TCP11: variants seen among roughly 807,000 people sequenced by gnomAD.
TCP11 encodes T-complex protein 11 homolog.
A neutral mutation model predicts 45.0 loss-of-function variants in TCP11; 34 were observed. The observed-to-expected ratio is 0.76, with a 90% CI of 0.57 to 1.01. TCP11 has a LOEUF of 1.01. Among genes scored for constraint, TCP11 ranks in the 50% least tolerant of loss-of-function variants. The pLI is 0.00. For synonymous variants in TCP11, 227 were observed against 227.0 expected (o/e 1.00, Z 0.00); for missense variants, 523 against 598.1 (o/e 0.87, Z 1.31).
intron 9 of TCP11, 27 bp from the exon 10 acceptor site, chr6:35,118,528 G>C: frequency 6.3e-7 from 1 of 1,598,628 alleles, no homozygotes; most frequent in Non-Finnish European, 8.5e-7. Context: ...ACACTGATAA[G>C]GGAAAAGGCA....
chr6:35,133,847 C>T (rs2127677604), intron 3 of TCP11, among the ~76,000 whole-genome samples: 1 of 152,078 alleles, frequency 6.6e-6, no homozygotes, highest in South Asian at 2.1e-4. Context: ...AATAAACCAG[C>T]AGAGCCAATT....
intron 2 of TCP11, 36 bp downstream of exon 2, chr6:35,140,711 C>T (rs367667889): frequency 4.3e-5 from 64 of 1,486,908 alleles, no homozygotes; most frequent in African/African-American, 3.0e-4. Flanking sequence ...CTAAGCACCC[C>T]CTAGGGGGCC....
chr6:35,132,615 T>A lies in TCP11; in HGVS notation c.237-3433A>T, dbSNP rs982080327. On this transcript the variant is annotated intron_variant, in intron 3 of 9. Transcript: ENST00000311875. ...CCTACAACTGTAATTAACATCATCC[T>A]ATGAACCTAAGGTAAAGCCAACTGC... is the stretch of plus-strand genomic sequence containing the variant. 1.1e-4 allele frequency among the ~76,000 whole-genome samples: 17 copies of A among 152,218 alleles called. No individual in the cohort carries two copies. The East Asian group carries it at 1.7e-3, about 16-fold the overall frequency.
intron 4 of TCP11, 43 bp from the exon 5 acceptor site, chr6:35,122,380 C>G (rs760832900): frequency 6.3e-7 from 1 of 1,580,612 alleles, no homozygotes; most frequent in South Asian, 1.1e-5. Flanking sequence ...TGTTTAGATC[C>G]CCAAACTTTA....
At position 35,120,509 on chromosome 6, in the gene TCP11, G is replaced by A; in HGVS notation, c.853C>T (p.Pro285Ser). Residue 285 changes from proline to serine, a missense_variant, in exon 7 of 10, where the codon CCC becomes TCC. Physicochemically the swap from Pro to Ser is moderately conservative, Grantham distance 74 (BLOSUM62 -1). This residue lies in a region of TCP11 where 298 missense variants were observed against 387.9 expected (regional missense o/e 0.77). Coordinates refer to ENST00000311875, the MANE Select transcript of TCP11 (RefSeq NM_001370687.1). This position sits in a 1 kb window ranked among gnomAD's most constrained non-coding sequence, Gnocchi z 4.9. ...CACAGCACCATTGTGGGGCTGAGGGGCTCTGGGTTGTTGGCTGCCTCATTG... is the reference window on the plus strand; with the variant it reads ...CACAGCACCATTGTGGGGCTGAGGGACTCTGGGTTGTTGGCTGCCTCATTG... ...SPNEAANNPE[P>S]LSPTMVLCQG... is the part of the protein sequence containing the mutation. The A allele has an allele frequency of 6.2e-7, 1 of 1,614,026 alleles. No individual in the cohort carries two copies. Among genetic ancestry groups the A allele is most frequent in the Non-Finnish European group, 8.5e-7 (1 of 1,179,976 alleles).
intron 2 of TCP11, chr6:35,140,336 C>G: frequency 2.5e-6 from 2 of 784,802 alleles, no homozygotes; most frequent in South Asian, 1.5e-5. Flanking sequence ...CACTACAGAA[C>G]CGAGCTAGAG....
At chr6:35,128,719 T>C (rs1478353004) in intron 4 of TCP11, 1 of 182,806 alleles carries the variant, frequency 5.5e-6, no homozygotes, top group Non-Finnish European at 1.1e-5. Flanking sequence ...GTCAGCAGCA[T>C]ACACAGGCCA....
rs769213163 is a variant in TCP11 at position 35,120,392 on chromosome 6, G to A, written c.933+37C>T. 14 of 1,594,582 alleles carry A rather than the reference G, an allele frequency of 8.8e-6. No individual in the cohort carries two copies. In the Middle Eastern group the frequency reaches 1.8e-3, roughly 211 times the overall value. On this transcript the variant is annotated intron_variant, in intron 7 of 9. Transcript: ENST00000311875. This position sits in a 1 kb window ranked among gnomAD's most constrained non-coding sequence, Gnocchi z 4.9. The stretch of plus-strand genomic sequence containing the variant: ...CAGGGGAAGTCCCGATGGAAGCCCT[G>A]AACACAAAACAAGGCAATGCCCCCA...
chr6:35,140,150 C>CA (rs2127696918), intron 2 of TCP11: 1 of 1,608,156 alleles, frequency 6.2e-7, no homozygotes, highest in East Asian at 2.2e-5. Context: ...TAATTTTTCG[C>CA]ATTTCAATAG....
rs1779098624 is a variant in TCP11 at position 35,120,373 on chromosome 6, A to C, written c.934-33T>G. 6.2e-7 allele frequency: 1 copy of C among 1,602,800 alleles called. No individual in the cohort carries two copies. The highest frequency in any genetic ancestry group is 8.5e-7 in the Non-Finnish European group (1 of 1,172,818). On this transcript the variant is annotated intron_variant, in intron 7 of 9. Coordinates refer to ENST00000311875, the MANE Select transcript of TCP11 (RefSeq NM_001370687.1). The surrounding 1 kb of genome is among the most constrained non-coding windows in gnomAD (Gnocchi z 4.9). ...CCAGGGAAGAACAGGCTGTCAGGGG[A>C]AGTCCCGATGGAAGCCCTGAACACA...
chr6:35,135,724 C>T (rs73405744), intron 3 of TCP11, among the ~76,000 whole-genome samples: 2,460 of 152,008 alleles, frequency 0.016, 78 homozygotes, highest in African/African-American at 0.055. Context: ...AGAGTGAGAC[C>T]CTGCCTCCAA....
chr6:35,126,094 C>T (rs910424042), intron 4 of TCP11, among the ~76,000 whole-genome samples: 19 of 152,100 alleles, frequency 1.2e-4, no homozygotes, highest in Non-Finnish European at 7.4e-5. Context: ...TGTAAATATA[C>T]TTAATGCCAG....
chr6:35,136,304 G>C (rs1244702820), intron 2 of TCP11, 86 bp from the exon 3 acceptor site: 2 of 994,434 alleles, frequency 2.0e-6, no homozygotes, highest in African/African-American at 3.3e-5. Flanking sequence ...CCCAAATTTA[G>C]ATTAATCAAA....
At chr6:35,127,352 G>A (rs1433574642) in intron 4 of TCP11, among the ~76,000 whole-genome samples, 2 of 152,088 alleles carry the variant, frequency 1.3e-5, no homozygotes. Context: ...CAATATTAAA[G>A]GTTAATGGAA....
intron 5 of TCP11, 144 bp from the exon 6 acceptor site, chr6:35,121,189 C>A: frequency 1.0e-6 from 1 of 994,882 alleles, no homozygotes; most frequent in Non-Finnish European, 1.4e-6. Context: ...AACATGTGGC[C>A]CAGAACCCAA....
intron 2 of TCP11, among the ~76,000 whole-genome samples, chr6:35,139,252 G>A (rs1475298823): frequency 1.3e-5 from 2 of 151,566 alleles, no homozygotes; most frequent in African/African-American, 2.4e-5. Context: ...AAGTCAAGAC[G>A]TTGCAATTTT....
rs376331403 is a variant in TCP11 at position 35,118,262 on chromosome 6, G to A, written c.*7C>T. ...GTCCAAGGTACCAGGGCTCTGAGCC[G>A]ACGCTATCAAACAGACTCCACTTTT... On this transcript the variant is annotated 3_prime_UTR_variant, in exon 10 of 10. Coordinates refer to ENST00000311875, the MANE Select transcript of TCP11 (RefSeq NM_001370687.1). The A allele has an allele frequency of 6.0e-5, 97 of 1,613,018 alleles. No homozygotes were observed. The Middle Eastern group carries it at 6.6e-4, about 11-fold the overall frequency.
intron 9 of TCP11, 132 bp downstream of exon 9, chr6:35,119,096 G>T: frequency 8.3e-7 from 1 of 1,199,298 alleles, no homozygotes; most frequent in South Asian, 1.5e-5. Flanking sequence ...TTTCAACCCA[G>T]CATTTTGAAA....
chr6:35,121,370 G>T (rs942943357), intron 5 of TCP11, among the ~76,000 whole-genome samples: 6 of 150,422 alleles, frequency 4.0e-5, no homozygotes, highest in African/African-American at 1.5e-4. Context: ...AGGATTATAG[G>T]TGATGCTATT....
Sources: gnomAD v4.1 joint callset for allele counts (sites outside exome capture counted in the v4.1 genomes callset) on GRCh38, gnomAD v4.1.1 for gene constraint, gnomAD v4.1.1 regional missense constraint, Gnocchi (gnomAD v3.1) non-coding constraint, MANE v1.5 for transcripts, NCBI Gene and HGNC (gene_info 2026-07-23, HGNC 2026-07-21) for gene names.